Variants in SLC24A2 observed in about 807,000 individuals in gnomAD.
SLC24A2 encodes the protein solute carrier family 24 member 2.
Under a neutral mutation model 62.0 loss-of-function variants are expected in SLC24A2, and 36 were observed. The observed-to-expected ratio is 0.58, with a 90% confidence interval of 0.44 to 0.77. SLC24A2 has a LOEUF of 0.77. SLC24A2 is among the 30% of genes least tolerant of loss of function. The probability of loss-of-function intolerance (pLI) is 0.00; values close to 1 mark genes in which losing one functional copy is unlikely to be tolerated. For synonymous variants in SLC24A2, 358 were observed against 294.0 expected, an observed-to-expected ratio of 1.22 and a Z score of -2.23; for missense variants, 846 against 817.9, an observed-to-expected ratio of 1.03 and a Z score of -0.42.
At chr9:20,091,798 C>T in the SLC24A2 span, among the ~76,000 whole-genome samples, 1 of 152,116 alleles carries the variant, frequency 6.6e-6, no homozygotes, top group African/African-American at 2.4e-5. Context: ...AGCAACCACA[C>T]AATGAAGCCA....
chr9:19,965,046 G>A, the SLC24A2 span, among the ~76,000 whole-genome samples: 2 of 152,052 alleles, frequency 1.3e-5, no homozygotes, highest in Non-Finnish European at 2.9e-5. Flanking sequence ...CAGCTCCCAC[G>A]ATCGTGTAGA....
chr9:20,271,928 A>G, the SLC24A2 span, among the ~76,000 whole-genome samples: 1 of 152,222 alleles, frequency 6.6e-6, no homozygotes, highest in East Asian at 1.9e-4. Context: ...TGGCCAAAGC[A>G]AAGAGGAAAA....
chr9:20,126,574 A>G, the SLC24A2 span, among the ~76,000 whole-genome samples: 1 of 152,166 alleles, frequency 6.6e-6, no homozygotes, highest in Non-Finnish European at 1.5e-5. Context: ...AATTGACACA[A>G]TTGAACATAT....
At chr9:19,932,798 T>C in the SLC24A2 span, among the ~76,000 whole-genome samples, 1 of 152,212 alleles carries the variant, frequency 6.6e-6, no homozygotes. Flanking sequence ...TTATAAGGCC[T>C]GGGACAAGCG....
At chr9:19,942,121 A>T in the SLC24A2 span, among the ~76,000 whole-genome samples, 52 of 152,296 alleles carry the variant, frequency 3.4e-4, no homozygotes, top group East Asian at 5.0e-3. Flanking sequence ...TGCATATTTT[A>T]TCTCATTTTG....
chr9:19,952,636 G>C, the SLC24A2 span, among the ~76,000 whole-genome samples: 1 of 148,168 alleles, frequency 6.7e-6, no homozygotes, highest in Non-Finnish European at 1.5e-5. Flanking sequence ...TGTTGGGTTT[G>C]GTTGGCTAAT....
chr9:20,226,758 T>C, the SLC24A2 span, among the ~76,000 whole-genome samples: 3 of 152,194 alleles, frequency 2.0e-5, no homozygotes, highest in Non-Finnish European at 2.9e-5. Context: ...ACATTACATA[T>C]ATATGTTTAC....
the SLC24A2 span, among the ~76,000 whole-genome samples, chr9:19,910,308 T>G: frequency 6.6e-6 from 1 of 152,090 alleles, no homozygotes; most frequent in Non-Finnish European, 1.5e-5. Context: ...TCTAAAAATT[T>G]TCAAAATAAT....
the SLC24A2 span, among the ~76,000 whole-genome samples, chr9:20,140,886 CAA>C: frequency 6.6e-6 from 1 of 152,094 alleles, no homozygotes; most frequent in Non-Finnish European, 1.5e-5. Context: ...TTGAAAATTC[CAA>C]ACTCTTTCCT....
At chr9:20,160,533 T>A in the SLC24A2 span, among the ~76,000 whole-genome samples, 1 of 151,414 alleles carries the variant, frequency 6.6e-6, no homozygotes, top group African/African-American at 2.4e-5. Context: ...GATATGGTAG[T>A]TTATAAAGTA....
the SLC24A2 span, among the ~76,000 whole-genome samples, chr9:20,082,062 T>C: frequency 6.6e-6 from 1 of 152,162 alleles, no homozygotes; most frequent in African/African-American, 2.4e-5. Context: ...GGTGAGTGAA[T>C]TTCATGCGCT....
chr9:19,985,625 G>A, the SLC24A2 span, among the ~76,000 whole-genome samples: 500 of 152,264 alleles, frequency 3.3e-3, 15 homozygotes, highest in East Asian at 0.026. Context: ...TTAATGAGTA[G>A]TGAAAATATT....
intron 7 of SLC24A2, among the ~76,000 whole-genome samples, chr9:19,555,902 G>A (rs1835065691): frequency 6.6e-6 from 1 of 152,092 alleles, no homozygotes; most frequent in Non-Finnish European, 1.5e-5. Flanking sequence ...CTGAGATCTT[G>A]CCACTGCACT....
chr9:19,551,944 C>G (rs759661880), intron 7 of SLC24A2, among the ~76,000 whole-genome samples: 2 of 152,154 alleles, frequency 1.3e-5, no homozygotes, highest in Non-Finnish European at 2.9e-5. Flanking sequence ...ACAACAGGTT[C>G]TTCTGCTTTG....
chr9:20,266,356 G>A, the SLC24A2 span, among the ~76,000 whole-genome samples: 36 of 152,254 alleles, frequency 2.4e-4, no homozygotes, highest in African/African-American at 7.2e-4. Flanking sequence ...CTGATGCTTA[G>A]TGAAAATAGA....
chr9:20,274,685 G>T, the SLC24A2 span, among the ~76,000 whole-genome samples: 1 of 152,158 alleles, frequency 6.6e-6, no homozygotes. Context: ...CCTGCCTTGT[G>T]CCTGGGCTAT....
At chr9:19,781,494 C>T (rs1435612603) in intron 2 of SLC24A2, among the ~76,000 whole-genome samples, 1 of 152,134 alleles carries the variant, frequency 6.6e-6, no homozygotes, top group Admixed American at 6.5e-5. Flanking sequence ...GCAATTTGAA[C>T]TGTGTGTATC....
intron 2 of SLC24A2, among the ~76,000 whole-genome samples, chr9:19,741,273 G>A (rs554826591): frequency 3.9e-5 from 6 of 152,202 alleles, no homozygotes; most frequent in South Asian, 2.1e-4. Context: ...TTGGCTTTCC[G>A]GTTCTGCCAA....
At chr9:19,836,203 A>G in the SLC24A2 span, among the ~76,000 whole-genome samples, 32 of 152,336 alleles carry the variant, frequency 2.1e-4, no homozygotes, top group South Asian at 8.3e-4. Flanking sequence ...AAAAGCTAGC[A>G]GAAGGCAAGA....
Sources: allele counts gnomAD v4.1 joint callset (sites outside exome capture counted in the v4.1 genomes callset), GRCh38; gene constraint gnomAD v4.1.1; transcripts MANE v1.5; gene names NCBI Gene and HGNC (gene_info 2026-07-23, HGNC 2026-07-21).